The following MGAT4C variants were observed in gnomAD, a reference collection of about 807,000 sequenced individuals.
MGAT4C encodes the protein MGAT4 family member C, also known as alpha-1,3-mannosyl-glycoprotein 4-beta-N-acetylglucosaminyltransferase C.
Under a neutral mutation model 40.1 loss-of-function variants are expected in MGAT4C, and 19 were observed. The observed-to-expected ratio is 0.47, with a 90% CI of 0.33 to 0.70. MGAT4C has a LOEUF of 0.70. Ranked by LOEUF, MGAT4C falls within the 30% of genes least tolerant of loss-of-function variation. MGAT4C has a pLI of 0.02. For missense variants in MGAT4C, 491 were observed against 563.2 expected, an observed-to-expected ratio of 0.87 and a Z score of 1.30; for synonymous variants, 181 against 187.1, an observed-to-expected ratio of 0.97 and a Z score of 0.27.
Position 86,684,793 on chromosome 12 carries a change from C to CT in MGAT4C, c.-229+42415dup, listed in dbSNP as rs796487312. Among the ~76,000 whole-genome samples the CT allele has an allele frequency of 1.2e-3, 173 of 146,496 alleles. 2 individuals are homozygous for CT. In the East Asian group the frequency reaches 0.022, roughly 19 times the overall value. On this transcript the variant is annotated intron_variant, in intron 2 of 7. Coordinates refer to the MGAT4C transcript ENST00000548651. ...TTCTCTAATGACCGATGATGATGAG[C>CT]TTTTTTTTTTTCATATGTTTGTTGG...
chr12:86,172,233 C>T (rs1027081972), intron 1 of MGAT4C, among the ~76,000 whole-genome samples: 1 of 151,774 alleles, frequency 6.6e-6, no homozygotes, highest in Admixed American at 6.6e-5. Context: ...ACTCAGAAAC[C>T]AAAAAAATTA....
At chr12:86,340,652 A>G (rs1307690701) in intron 3 of MGAT4C, among the ~76,000 whole-genome samples, 1 of 152,166 alleles carries the variant, frequency 6.6e-6, no homozygotes, top group African/African-American at 2.4e-5. Flanking sequence ...CAGAAGACAC[A>G]AATTTTAAGA....
chr12:86,726,463 T>C (rs935645156), intron 2 of MGAT4C, among the ~76,000 whole-genome samples: 5 of 152,306 alleles, frequency 3.3e-5, no homozygotes, highest in Admixed American at 6.5e-5. Flanking sequence ...TCTTATTCAC[T>C]GGCATGAAGA....
At chr12:86,001,674 A>G in intron 2 of MGAT4C, 1 of 976,846 alleles carries the variant, frequency 1.0e-6, no homozygotes, top group Non-Finnish European at 1.2e-6. Flanking sequence ...TGGTATAGTC[A>G]CATGCTTCTC....
intron 2 of MGAT4C, among the ~76,000 whole-genome samples, chr12:86,639,978 C>CAT (rs913532455): frequency 4.0e-5 from 6 of 151,418 alleles, no homozygotes; most frequent in South Asian, 2.1e-4. Context: ...TATGAAACAT[C>CAT]ATATATATAT....
At chr12:86,387,920 T>G (rs186372332) in intron 3 of MGAT4C, among the ~76,000 whole-genome samples, 19 of 152,320 alleles carry the variant, frequency 1.2e-4, no homozygotes, top group Non-Finnish European at 2.8e-4. Context: ...AATACTCTAT[T>G]GTTTTATGAA....
chr12:86,664,909 CTAAT>C (rs1193546857), intron 2 of MGAT4C, among the ~76,000 whole-genome samples: 3 of 152,048 alleles, frequency 2.0e-5, no homozygotes, highest in African/African-American at 7.2e-5. Flanking sequence ...CATAGGTCAT[CTAAT>C]TAGTTGTGTC....
intron 1 of MGAT4C, among the ~76,000 whole-genome samples, chr12:86,830,443 T>C (rs1164529491): frequency 2.0e-5 from 3 of 151,832 alleles, no homozygotes; most frequent in African/African-American, 7.2e-5. Flanking sequence ...TGTCTATCCA[T>C]GACTCTATGT....
chr12:86,740,151 G>A (rs1251111239), intron 1 of MGAT4C, among the ~76,000 whole-genome samples: 3 of 150,996 alleles, frequency 2.0e-5, no homozygotes, highest in Non-Finnish European at 4.5e-5. Flanking sequence ...ATTCTTTGCA[G>A]ACAATGTTGA....
intron 2 of MGAT4C, among the ~76,000 whole-genome samples, chr12:86,463,712 A>G (rs1274377067): frequency 6.6e-6 from 1 of 152,168 alleles, no homozygotes; most frequent in Non-Finnish European, 1.5e-5. Flanking sequence ...TATGTGCAGC[A>G]AGAAAACAAA....
At chr12:85,994,874 T>C (rs71452129) in intron 2 of MGAT4C, among the ~76,000 whole-genome samples, 13 of 152,190 alleles carry the variant, frequency 8.5e-5, no homozygotes, top group African/African-American at 3.1e-4. Flanking sequence ...AAACTGAAGA[T>C]TAAAATTTAT....
intron 1 of MGAT4C, among the ~76,000 whole-genome samples, chr12:86,061,947 C>T: frequency 6.6e-6 from 1 of 152,154 alleles, no homozygotes; most frequent in Non-Finnish European, 1.5e-5. Flanking sequence ...GTGGGCACAG[C>T]TTCAGCAGAC....
At chr12:86,746,689 C>G (rs1480038650) in intron 1 of MGAT4C, among the ~76,000 whole-genome samples, 1 of 151,640 alleles carries the variant, frequency 6.6e-6, no homozygotes. Context: ...TCTGATCCTT[C>G]TACATGCTCC....
chr12:86,567,348 C>G (rs1342479374), intron 2 of MGAT4C, among the ~76,000 whole-genome samples: 1 of 152,110 alleles, frequency 6.6e-6, no homozygotes, highest in Non-Finnish European at 1.5e-5. Context: ...CTTCATTAAA[C>G]AGGAAGTTAA....
chr12:86,645,576 T>C (rs376451142), intron 2 of MGAT4C, among the ~76,000 whole-genome samples: 27 of 151,916 alleles, frequency 1.8e-4, no homozygotes, highest in South Asian at 1.5e-3. Flanking sequence ...TACACTTTCT[T>C]AAATCTGCAA....
chr12:86,173,792 A>G (rs1887101450), intron 1 of MGAT4C, among the ~76,000 whole-genome samples: 1 of 152,060 alleles, frequency 6.6e-6, no homozygotes, highest in African/African-American at 2.4e-5. Context: ...GATTTCACTT[A>G]TATTTCTAAT....
chr12:86,435,136 G>T (rs917292690), intron 3 of MGAT4C: 1 of 151,828 alleles, frequency 6.6e-6, no homozygotes, highest in African/African-American at 2.4e-5. Flanking sequence ...CCATAGCAAA[G>T]AAAAAGAAAG....
chr12:86,476,281 C>T (rs1360691967), intron 2 of MGAT4C, among the ~76,000 whole-genome samples: 1 of 151,980 alleles, frequency 6.6e-6, no homozygotes, highest in African/African-American at 2.4e-5. Context: ...GGGCACTTCT[C>T]AAAAGACACT....
intron 3 of MGAT4C, among the ~76,000 whole-genome samples, chr12:86,422,183 C>T (rs1956841049): frequency 1.3e-5 from 2 of 152,120 alleles, no homozygotes; most frequent in African/African-American, 2.4e-5. Context: ...CATCCCAAAA[C>T]CTTTTTACTC....
Sources: allele counts gnomAD v4.1 joint callset (sites outside exome capture counted in the v4.1 genomes callset), GRCh38; gene constraint gnomAD v4.1.1; transcripts MANE v1.5; gene names NCBI Gene and HGNC (gene_info 2026-07-23, HGNC 2026-07-21).